Variants in LMBR1 observed in about 807,000 individuals in gnomAD.
LMBR1 encodes the protein limb region 1 protein homolog.
LMBR1 carries 52 observed loss-of-function variants against 73.9 expected under a neutral mutation model. The ratio of observed to expected loss-of-function variants is 0.70; its 90% CI spans 0.56 to 0.89. The LOEUF is 0.89. Among genes scored for constraint, LMBR1 ranks in the 40% least tolerant of loss-of-function variants. The probability of loss-of-function intolerance (pLI) is 0.00; values close to 1 mark genes in which losing one functional copy is unlikely to be tolerated. For missense variants in LMBR1, 539 were observed against 579.8 expected (o/e 0.93, Z 0.72); for synonymous variants, 215 against 209.4 (o/e 1.03, Z -0.23).
chr7:156,858,717 C>G (rs1269662655), intron 1 of LMBR1, among the ~76,000 whole-genome samples: 1 of 152,004 alleles, frequency 6.6e-6, no homozygotes, highest in East Asian at 1.9e-4. Context: ...TATACCACAA[C>G]CAAGTGGGAA....
At chr7:156,883,862 T>C (rs1212491022) in intron 1 of LMBR1, among the ~76,000 whole-genome samples, 1 of 152,268 alleles carries the variant, frequency 6.6e-6, no homozygotes, top group East Asian at 1.9e-4. Flanking sequence ...CCCACCTGGA[T>C]AATTCAGGGT....
chr7:156,727,127 C>T (rs1221082134), intron 12 of LMBR1, among the ~76,000 whole-genome samples: 2 of 152,162 alleles, frequency 1.3e-5, no homozygotes, highest in East Asian at 1.9e-4. Flanking sequence ...AGCCATGAAC[C>T]TTCCAATAGG....
rs1056393455 is a variant in LMBR1, at chr7:156,829,202, G to A, written c.180-2458C>T. 3.9e-5 allele frequency among the ~76,000 whole-genome samples: 6 copies of A among 152,202 alleles called. No individual in the cohort carries two copies. In the East Asian group the frequency reaches 5.8e-4, roughly 15 times the overall value. ...ACTGGCCAAGGAGACACCCCTCTGC[G>A]CAGAAGTAAAATTGCTTTACTAAGA... On this transcript the variant is annotated intron_variant, in intron 3 of 16. Transcript: ENST00000353442.
At chr7:156,753,939 G>C (rs1196466296) in intron 9 of LMBR1, among the ~76,000 whole-genome samples, 1 of 152,080 alleles carries the variant, frequency 6.6e-6, no homozygotes, top group Non-Finnish European at 1.5e-5. Context: ...TTAAGCACTA[G>C]ATGAAAACTT....
intron 8 of LMBR1, among the ~76,000 whole-genome samples, chr7:156,761,186 C>T (rs1822917799): frequency 6.6e-6 from 1 of 152,094 alleles, no homozygotes; most frequent in Non-Finnish European, 1.5e-5. Flanking sequence ...GTGGACCAGG[C>T]TGTGAAAGGC....
At position 156,690,387 on chromosome 7, in the gene LMBR1, G is replaced by A. The variant is rs576165878; in HGVS notation, c.1226-2196C>T. 5.3e-5 allele frequency among the ~76,000 whole-genome samples: 8 copies of A among 152,306 alleles called. No individual in the cohort carries two copies. The South Asian group carries it at 1.2e-3, about 24-fold the overall frequency. On this transcript the variant is annotated intron_variant, in intron 15 of 16. Transcript: ENST00000353442. ...CACAAACTCCACTTTGGAAACCACT[G>A]GTATATGCTCTGTGGTGGGTAATCC...
At chr7:156,672,710 T>A (rs1802818369) in intron 4 of LMBR1, among the ~76,000 whole-genome samples, 1 of 152,204 alleles carries the variant, frequency 6.6e-6, no homozygotes, top group South Asian at 2.1e-4. Context: ...GTAACATAAA[T>A]GCATATAGAT....
chr7:156,683,839 C>T lies in LMBR1; in HGVS notation c.*239G>A, dbSNP rs1260926457. 10 of 460,682 alleles carry T rather than the reference C, an allele frequency of 2.2e-5. No homozygotes were observed. Among genetic ancestry groups the T allele is most frequent in the Non-Finnish European group, 3.4e-5 (9 of 261,672 alleles). The allele number at this position is 460,682 out of a possible 1,614,324, so 28.5% of individuals were successfully genotyped here. On this transcript the variant is annotated 3_prime_UTR_variant, in exon 17 of 17. Coordinates refer to ENST00000353442, the MANE Select transcript of LMBR1 (RefSeq NM_022458.4). Reference sequence around the variant, plus strand: ...AATGTCTACAGAAGAATGCGCTGTTCTATATGTCTGTAAGGAATCTGCACT... The same window carrying T: ...AATGTCTACAGAAGAATGCGCTGTTTTATATGTCTGTAAGGAATCTGCACT...
intron 4 of LMBR1, among the ~76,000 whole-genome samples, chr7:156,806,202 C>CAGTG (rs1832038133): frequency 6.6e-6 from 1 of 152,176 alleles, no homozygotes; most frequent in African/African-American, 2.4e-5. Flanking sequence ...ACTTAGGTCT[C>CAGTG]ACGCATCCCT....
At chr7:156,684,663 T>G (rs35340965) in intron 16 of LMBR1, among the ~76,000 whole-genome samples, 5,263 of 152,256 alleles carry the variant, frequency 0.035, 139 homozygotes, top group Non-Finnish European at 0.045. Context: ...CATTTTAAAA[T>G]GCACACACAC....
chr7:156,837,215 A>G (rs1837802502), intron 1 of LMBR1, among the ~76,000 whole-genome samples: 1 of 151,872 alleles, frequency 6.6e-6, no homozygotes, highest in African/African-American at 2.4e-5. Flanking sequence ...TGCACCTGCA[A>G]TCCCAGCTAC....
chr7:156,802,554 C>A (rs10488059), intron 4 of LMBR1, among the ~76,000 whole-genome samples: 16,639 of 152,012 alleles, frequency 0.11, 1,170 homozygotes, highest in East Asian at 0.29. Context: ...ATTGTCAGTA[C>A]AAAATGAACA....
intron 11 of LMBR1, 118 bp downstream of exon 11, chr7:156,728,526 C>G: frequency 1.5e-6 from 1 of 667,698 alleles, no homozygotes; most frequent in Non-Finnish European, 2.5e-6. Context: ...GGATTTTAAT[C>G]CTGTTGATAG....
Position 156,670,009 on chromosome 7 carries a change from CCT to C in LMBR1, n.867-724_867-723del, listed in dbSNP as rs1313524513. Among the ~76,000 whole-genome samples, 1 of 152,094 alleles carries C rather than the reference CCT, an allele frequency of 6.6e-6. No homozygotes were observed. The highest frequency in any genetic ancestry group is 1.5e-5 in the Non-Finnish European group (1 of 68,016). On this transcript the variant is annotated intron_variant and non_coding_transcript_variant, in intron 4 of 4. Transcript: ENST00000430825. This position sits in a 1 kb window ranked among gnomAD's most constrained non-coding sequence, Gnocchi z 4.3. ...TATAAAGCTGTATGTACTTCTGTGGCCTCTCTCTCCAGTGGTCATGTAGTTTT... is the reference window on the plus strand; with the variant it reads ...TATAAAGCTGTATGTACTTCTGTGGCCTCTCTCCAGTGGTCATGTAGTTTT...
intron 1 of LMBR1, among the ~76,000 whole-genome samples, chr7:156,881,868 C>A (rs1801148096): frequency 6.6e-6 from 1 of 151,260 alleles, no homozygotes; most frequent in Admixed American, 6.6e-5. Context: ...GGAACCCTTG[C>A]ACACTTGGTG....
chr7:156,770,452 A>C (rs1359084943), intron 5 of LMBR1, among the ~76,000 whole-genome samples: 1 of 152,262 alleles, frequency 6.6e-6, no homozygotes, highest in Non-Finnish European at 1.5e-5. Context: ...CCAACTAAAA[A>C]GTAACAAAAC....
At chr7:156,774,701 G>T (rs966372115) in intron 5 of LMBR1, among the ~76,000 whole-genome samples, 1 of 151,910 alleles carries the variant, frequency 6.6e-6, no homozygotes, top group South Asian at 2.1e-4. Context: ...GCGTGGTGGC[G>T]GGCACCTGTA....
chr7:156,671,754 C>T (rs1357807989), intron 4 of LMBR1, among the ~76,000 whole-genome samples: 2 of 150,922 alleles, frequency 1.3e-5, no homozygotes, highest in African/African-American at 4.8e-5. Context: ...TATCTCATGT[C>T]ACCATCTTTA....
chr7:156,839,015 T>C (rs527413280), intron 1 of LMBR1, among the ~76,000 whole-genome samples: 1 of 152,054 alleles, frequency 6.6e-6, no homozygotes, highest in Non-Finnish European at 1.5e-5. Flanking sequence ...TCTGTATGTC[T>C]TCTTTTGAGA....
Sources: allele counts gnomAD v4.1 joint callset (sites outside exome capture counted in the v4.1 genomes callset), GRCh38; gene constraint gnomAD v4.1.1; non-coding constraint Gnocchi (gnomAD v3.1); transcripts MANE v1.5; gene names NCBI Gene and HGNC (gene_info 2026-07-23, HGNC 2026-07-21).